The following PTPN13 variants were observed in gnomAD, a reference collection of about 807,000 sequenced individuals.
PTPN13 encodes protein tyrosine phosphatase non-receptor type 13, also known as tyrosine-protein phosphatase non-receptor type 13.
In PTPN13, 191 loss-of-function variants were observed where a neutral mutation model predicts 284.0. The observed-to-expected ratio is 0.67, with a 90% CI of 0.60 to 0.76. The LOEUF (loss-of-function observed/expected upper bound fraction) is 0.76. Ranked by LOEUF, PTPN13 falls within the 30% of genes least tolerant of loss-of-function variation. The pLI is 0.00. For synonymous variants in PTPN13, 986 were observed against 1,022.3 expected, an observed-to-expected ratio of 0.96 and a Z score of 0.68; for missense variants, 2,797 against 2,939.9, an observed-to-expected ratio of 0.95 and a Z score of 1.12.
At chr4:86,663,127 T>G (rs554435776) in intron 2 of PTPN13, among the ~76,000 whole-genome samples, 24 of 152,354 alleles carry the variant, frequency 1.6e-4, no homozygotes, top group African/African-American at 5.8e-4. Context: ...CAAATGAAAT[T>G]AATGTTTAAT....
rs3775240 is a variant in PTPN13, at chr4:86,707,374, T to C, written c.1195+5573T>C. Among the ~76,000 whole-genome samples, 823 of 152,350 alleles carry C rather than the reference T, an allele frequency of 5.4e-3. 22 individuals carry two copies. In the East Asian group the frequency reaches 0.066, roughly 12 times the overall value. Reference sequence around the variant, plus strand: ...CTTCTAGTAGTGTGATCTCTGGTCCTAGCCTAGTTTTGCTATCCTGTGACT... The same window carrying C: ...CTTCTAGTAGTGTGATCTCTGGTCCCAGCCTAGTTTTGCTATCCTGTGACT... On this transcript the variant is annotated intron_variant, in intron 7 of 47. Transcript: ENST00000411767.
intron 3 of PTPN13, among the ~76,000 whole-genome samples, chr4:86,682,439 T>A (rs945275408): frequency 1.3e-5 from 2 of 151,566 alleles, no homozygotes; most frequent in South Asian, 4.1e-4. Flanking sequence ...TTTTTTTTTT[T>A]AACTTGTACT....
Position 86,787,042 on chromosome 4 carries a change from T to C in PTPN13, c.6345+1106T>C, listed in dbSNP as rs528558447. On this transcript the variant is annotated intron_variant, in intron 40 of 47. Transcript: ENST00000411767. The stretch of plus-strand genomic sequence containing the variant: ...ATCACTTGACCCAGGAGACAGAGGT[T>C]GCATTGAGCGGAGATCATGCCGTTG... 9.2e-4 allele frequency among the ~76,000 whole-genome samples: 140 copies of C among 151,556 alleles called. 2 individuals carry two copies. The South Asian group carries it at 0.026, about 29-fold the overall frequency.
chr4:86,625,955 A>G (rs1487819865), intron 1 of PTPN13, among the ~76,000 whole-genome samples: 1 of 152,224 alleles, frequency 6.6e-6, no homozygotes, highest in African/African-American at 2.4e-5. Context: ...TAGGAAGATC[A>G]GCAGTATCCT....
chr4:86,765,608 A>T, intron 26 of PTPN13, 120 bp downstream of exon 26: 1 of 664,986 alleles, frequency 1.5e-6, no homozygotes, highest in South Asian at 2.8e-5. Flanking sequence ...ATACTCAATT[A>T]TAAAACTGTA....
At chr4:86,625,130 ACT>A (rs1721685629) in intron 1 of PTPN13, among the ~76,000 whole-genome samples, 1 of 151,490 alleles carries the variant, frequency 6.6e-6, no homozygotes, top group African/African-American at 2.4e-5. Flanking sequence ...AAAGGTAATC[ACT>A]CTCTAATCTT....
intron 40 of PTPN13, among the ~76,000 whole-genome samples, chr4:86,794,240 G>C (rs1743044842): frequency 6.6e-6 from 1 of 151,554 alleles, no homozygotes; most frequent in Non-Finnish European, 1.5e-5. Flanking sequence ...AAAATCGCAA[G>C]CATTCATATA....
intron 2 of PTPN13, among the ~76,000 whole-genome samples, chr4:86,667,612 A>G (rs979683512): frequency 2.0e-5 from 3 of 152,216 alleles, no homozygotes; most frequent in Non-Finnish European, 2.9e-5. Flanking sequence ...TTAACAATGT[A>G]TGTATTGTTA....
chr4:86,765,917 T>C (rs535111736), intron 26 of PTPN13, among the ~76,000 whole-genome samples: 44 of 152,040 alleles, frequency 2.9e-4, no homozygotes, highest in Middle Eastern at 6.8e-3. Flanking sequence ...AACCTCCGCC[T>C]CCTGGGTTCA....
chr4:86,704,676 G>T (rs941972751), intron 7 of PTPN13, among the ~76,000 whole-genome samples: 1 of 151,980 alleles, frequency 6.6e-6, no homozygotes, highest in Non-Finnish European at 1.5e-5. Flanking sequence ...CAAAAGAAAA[G>T]CTTTTTAAAA....
In PTPN13 at chr4:86,616,925, G is replaced by A. The variant is rs561975738; in HGVS notation, c.-5-18327G>A. Among the ~76,000 whole-genome samples the A allele has an allele frequency of 3.9e-5, 6 of 152,322 alleles. No individual in the cohort carries two copies. In the East Asian group the frequency reaches 9.6e-4, roughly 24 times the overall value. On this transcript the variant is annotated intron_variant, in intron 1 of 47. Coordinates refer to ENST00000411767, the MANE Select transcript of PTPN13 (RefSeq NM_080683.3). ...TTAATTAAGAGTCACCAAGACTGGAGTTGAGTGTGTCAGGACTGAAGGGGA... is the reference window on the plus strand; with the variant it reads ...TTAATTAAGAGTCACCAAGACTGGAATTGAGTGTGTCAGGACTGAAGGGGA...
chr4:86,779,584 C>G (rs1461061398), intron 35 of PTPN13, among the ~76,000 whole-genome samples: 1 of 152,108 alleles, frequency 6.6e-6, no homozygotes, highest in Non-Finnish European at 1.5e-5. Flanking sequence ...CCACATCCTT[C>G]ATGGTTGCAC....
chr4:86,607,454 G>T (rs1278709670), intron 1 of PTPN13, among the ~76,000 whole-genome samples: 1 of 151,914 alleles, frequency 6.6e-6, no homozygotes, highest in Non-Finnish European at 1.5e-5. Flanking sequence ...TTGAGACGTA[G>T]TATATTATTT....
rs1743684358 is a variant in PTPN13 at position 86,799,097 on chromosome 4, A to G, written c.6402-4A>G. The G allele has an allele frequency of 6.5e-7, 1 of 1,537,624 alleles. No homozygotes were observed. The highest frequency in any genetic ancestry group is 8.8e-7 in the Non-Finnish European group (1 of 1,140,034). On this transcript the variant is annotated splice_polypyrimidine_tract_variant and splice_region_variant and intron_variant, in intron 41 of 47. Transcript: ENST00000411767. ...AATGTTTCAAATATGTTTTGTTTTC[A>G]TAGCTTAATTCAGAAGCCACAAGAA...
chr4:86,611,343 A>T (rs938089699), intron 1 of PTPN13, among the ~76,000 whole-genome samples: 10 of 152,202 alleles, frequency 6.6e-5, no homozygotes, highest in African/African-American at 1.9e-4. Context: ...AGTTAGTGAA[A>T]AGGCCCACAG....
chr4:86,613,558 C>T (rs111339522), intron 1 of PTPN13, among the ~76,000 whole-genome samples: 570 of 148,964 alleles, frequency 3.8e-3, no homozygotes, highest in Non-Finnish European at 6.6e-3. Context: ...GGCATGAACC[C>T]GGGAGGCGGC....
chr4:86,775,643 A>G lies in PTPN13; in HGVS notation c.5882A>G (p.Lys1961Arg). 1 of 1,610,316 alleles carries G rather than the reference A, an allele frequency of 6.2e-7. No individual in the cohort carries two copies. Among genetic ancestry groups the G allele is most frequent in the Non-Finnish European group, 8.5e-7 (1 of 1,178,068 alleles). ...LDMSLPSLVL[K>R]ATRNDLPVVP... Reference sequence around the variant, plus strand: ...ATGTCACTTCCTTCATTGGTATTGAAAGCAACAAGGTACTCTGCAATTATT... The same window carrying G: ...ATGTCACTTCCTTCATTGGTATTGAGAGCAACAAGGTACTCTGCAATTATT... The change falls in exon 35 of 48, where the codon AAA (lysine) becomes AGA (arginine). Residue 1961 changes from lysine to arginine, a missense_variant. Coordinates refer to ENST00000411767, the MANE Select transcript of PTPN13 (RefSeq NM_080683.3).
intron 3 of PTPN13, among the ~76,000 whole-genome samples, chr4:86,677,090 AC>A (rs1728355058): frequency 6.6e-6 from 1 of 151,752 alleles, no homozygotes; most frequent in Non-Finnish European, 1.5e-5. Context: ...ACACGGTAAA[AC>A]CCTGTCTCTA....
At chr4:86,768,069 A>G in intron 28 of PTPN13, 93 bp downstream of exon 28, 1 of 1,140,666 alleles carries the variant, frequency 8.8e-7, no homozygotes, top group Non-Finnish European at 1.2e-6. Flanking sequence ...TTAATGCCCT[A>G]GTTTTGTTCA....
Sources: allele counts gnomAD v4.1 joint callset (sites outside exome capture counted in the v4.1 genomes callset), GRCh38; gene constraint gnomAD v4.1.1; transcripts MANE v1.5; gene names NCBI Gene and HGNC (gene_info 2026-07-23, HGNC 2026-07-21).